The following TOP1MT variants were observed in gnomAD, a reference collection of about 807,000 sequenced individuals.
TOP1MT encodes the protein DNA topoisomerase I mitochondrial, also known as DNA topoisomerase I, mitochondrial.
Under a neutral mutation model 73.9 loss-of-function variants are expected in TOP1MT, and 80 were observed. The observed-to-expected ratio is 1.08, with a 90% CI of 0.90 to 1.30. The LOEUF is 1.30. Among genes scored for constraint, TOP1MT ranks in the 50% most tolerant of loss-of-function variants. The pLI is 0.00. For synonymous variants in TOP1MT, 338 were observed against 326.4 expected (o/e 1.04, Z -0.38); for missense variants, 815 against 808.0 (o/e 1.01, Z -0.10).
chr8:143,352,158 G>C (rs1817330320), intron 1 of TOP1MT, among the ~76,000 whole-genome samples: 1 of 152,350 alleles, frequency 6.6e-6, no homozygotes, highest in South Asian at 2.1e-4. Context: ...ATTCCAGCTA[G>C]TGTTTTTGCA....
At chr8:143,320,282 C>T (rs937299325) in intron 8 of TOP1MT, among the ~76,000 whole-genome samples, 3 of 152,016 alleles carry the variant, frequency 2.0e-5, no homozygotes, top group Admixed American at 2.0e-4. Context: ...GCGCTCGCCA[C>T]GATGCCCGGC....
chr8:143,312,812 A>G (rs916464671), intron 12 of TOP1MT, among the ~76,000 whole-genome samples: 1 of 152,268 alleles, frequency 6.6e-6, no homozygotes, highest in African/African-American at 2.4e-5. Context: ...CCTAAGGGCC[A>G]GGCATGTTGG....
intron 2 of TOP1MT, 66 bp downstream of exon 2, chr8:143,331,158 C>G: frequency 1.2e-5 from 15 of 1,303,638 alleles, no homozygotes; most frequent in Non-Finnish European, 1.6e-5. Context: ...AGCCAGATGC[C>G]CACTGGGAGC....
upstream of TOP1MT, among the ~76,000 whole-genome samples, chr8:143,336,702 G>A (rs1816987604): frequency 6.6e-6 from 1 of 152,122 alleles, no homozygotes; most frequent in Admixed American, 6.5e-5. Context: ...ACAAAAATTG[G>A]CCGAGCACCG....
chr8:143,318,093 G>A lies in TOP1MT; in HGVS notation c.1147-7C>T, dbSNP rs775520285. The A allele has an allele frequency of 1.5e-5, 24 of 1,613,800 alleles. No individual in the cohort carries two copies. Among genetic ancestry groups the A allele is most frequent in the Non-Finnish European group, 1.9e-5 (23 of 1,179,722 alleles). On this transcript the variant is annotated splice_polypyrimidine_tract_variant and splice_region_variant and intron_variant, in intron 8 of 13. Transcript: ENST00000329245. The stretch of plus-strand genomic sequence containing the variant: ...GCTGTAAGTTCTTGTACACCTGAAG[G>A]AGAAAGAAGGAATTTCAGAGGACAG...
upstream of TOP1MT, among the ~76,000 whole-genome samples, chr8:143,339,305 A>G (rs191057683): frequency 1.5e-3 from 226 of 152,352 alleles, no homozygotes; most frequent in African/African-American, 5.4e-3. Context: ...TTCTTCTCAA[A>G]GCAGGCGTGC....
chr8:143,326,101 A>G, intron 4 of TOP1MT, 121 bp downstream of exon 4: 1 of 1,187,304 alleles, frequency 8.4e-7, no homozygotes, highest in Non-Finnish European at 1.2e-6. Flanking sequence ...CTGACGAGAA[A>G]AGAGCAGCTT....
rs1421524373 is a variant in TOP1MT, at chr8:143,322,725, GCACGCCACA to G, written c.960+1265_960+1273del. 6.2e-4 allele frequency among the ~76,000 whole-genome samples: 6 copies of G among 9,734 alleles called. 1 individual carries two copies. The highest frequency in any genetic ancestry group is 2.4e-3 in the African/African-American group (3 of 1,248). 6.4% of individuals were successfully genotyped at this position (9,734 alleles called of 152,430 possible). On this transcript the variant is annotated intron_variant, in intron 7 of 13. Coordinates refer to ENST00000329245, the MANE Select transcript of TOP1MT (RefSeq NM_052963.3). ...CACGCCACACGCACGCCACACACAG[GCACGCCACA>G]CACGCCACACACGCACGCACGCCAC...
chr8:143,331,211 C>T lies in TOP1MT; in HGVS notation c.238+13G>A. On this transcript the variant is annotated intron_variant, in intron 2 of 13. Coordinates refer to ENST00000329245, the MANE Select transcript of TOP1MT (RefSeq NM_052963.3). ...AGCGCAGGCTGGGGAGGAGCCGCTC[C>T]CTGCATCCTTACCTTCATAGAAGAA... The T allele has an allele frequency of 6.3e-7, 1 of 1,589,014 alleles. No individual in the cohort carries two copies. The highest frequency in any genetic ancestry group is 8.6e-7 in the Non-Finnish European group (1 of 1,161,338).
chr8:143,359,056 T>C (rs2130495764), upstream of TOP1MT, among the ~76,000 whole-genome samples: 1 of 151,896 alleles, frequency 6.6e-6, no homozygotes, highest in African/African-American at 2.4e-5. Context: ...TTGCCCAGGC[T>C]GGTCTCAAAC....
At chr8:143,335,622 G>C (rs1318266402), upstream of TOP1MT, among the ~76,000 whole-genome samples, 5 of 152,236 alleles carry the variant, frequency 3.3e-5, no homozygotes, top group Non-Finnish European at 7.3e-5. Context: ...GGTAGGCCCT[G>C]AGCCACAACA....
upstream of TOP1MT, among the ~76,000 whole-genome samples, chr8:143,335,260 G>C (rs530460448): frequency 1.1e-4 from 17 of 152,316 alleles, no homozygotes; most frequent in Admixed American, 8.5e-4. Flanking sequence ...TCCTTCCTAA[G>C]TACACGCTCT....
chr8:143,315,538 T>C (rs907013423), intron 12 of TOP1MT, among the ~76,000 whole-genome samples, 189 bp downstream of exon 12: 1 of 152,186 alleles, frequency 6.6e-6, no homozygotes, highest in African/African-American at 2.4e-5. Flanking sequence ...TCTCCGCGTC[T>C]TGGTGGTAGT....
rs753593796 is a variant in TOP1MT at position 143,321,284 on chromosome 8, C to T, written c.1063G>A (p.Asp355Asn). ...VEHVQLHPEA[D>N]GCQHVVEFDF... ...AATTCCACCACGTGTTGGCAGCCAT[C>T]GGCCTCCGGGTGCAGCTGGACGTGC... The change falls in exon 8 of 14, where the codon GAT becomes AAT. Residue 355 changes from aspartate (D) to asparagine (N), a missense_variant. Transcript: ENST00000329245. 89 of 1,612,472 alleles carry T rather than the reference C, an allele frequency of 5.5e-5. No individual in the cohort carries two copies. The highest frequency in any genetic ancestry group is 4.3e-4 in the Admixed American group (26 of 59,954).
At chr8:143,312,074 G>A (rs1236061180) in intron 12 of TOP1MT, among the ~76,000 whole-genome samples, 2 of 152,102 alleles carry the variant, frequency 1.3e-5, no homozygotes. Flanking sequence ...CAAGCCTATA[G>A]TCTCAGCTAT....
chr8:143,331,462 G>A (rs575724102), intron 1 of TOP1MT, 123 bp from the exon 2 acceptor site: 20 of 729,412 alleles, frequency 2.7e-5, no homozygotes, highest in South Asian at 1.5e-4. Context: ...TCCACCTCAC[G>A]GGGGAGGAAA....
chr8:143,310,886 A>T (rs1815994155), intron 12 of TOP1MT, among the ~76,000 whole-genome samples: 1 of 152,094 alleles, frequency 6.6e-6, no homozygotes, highest in Non-Finnish European at 1.5e-5. Flanking sequence ...ATGTGAAAAC[A>T]AGGAGGGAAA....
chr8:143,323,578 A>ATG (rs1346899338), intron 7 of TOP1MT, among the ~76,000 whole-genome samples: 21 of 94,108 alleles, frequency 2.2e-4, no homozygotes, highest in Admixed American at 7.0e-4. Flanking sequence ...CACGCCACAC[A>ATG]CACAGGCACG....
At chr8:143,342,278 AGAGACAGAGTCTCGCTG>A in intron 2 of TOP1MT, among the ~76,000 whole-genome samples, 1 of 138,708 alleles carries the variant, frequency 7.2e-6, no homozygotes, top group Non-Finnish European at 1.5e-5. Context: ...TATTATTATT[AGAGACAGAGTCTCGCTG>A]TTATTATTAT....
Sources: allele counts gnomAD v4.1 joint callset (sites outside exome capture counted in the v4.1 genomes callset), GRCh38; gene constraint gnomAD v4.1.1; transcripts MANE v1.5; gene names NCBI Gene and HGNC (gene_info 2026-07-23, HGNC 2026-07-21).